Variants in BLMH observed in about 807,000 individuals in gnomAD.
The protein encoded by BLMH is bleomycin hydrolase.
In BLMH, 32 loss-of-function variants were observed where a neutral mutation model predicts 61.6. The observed-to-expected ratio is 0.52, with a 90% confidence interval of 0.39 to 0.70. The LOEUF (loss-of-function observed/expected upper bound fraction) is 0.70. Among genes scored for constraint, BLMH ranks in the 30% least tolerant of loss-of-function variants. The pLI is 0.00. For synonymous variants in BLMH, 183 were observed against 193.8 expected (o/e 0.94, Z 0.46); for missense variants, 460 against 555.5 (o/e 0.83, Z 1.73).
At chr17:30,273,653 T>C (rs1184725324) in intron 7 of BLMH, 4 of 215,432 alleles carry the variant, frequency 1.9e-5, no homozygotes, top group Non-Finnish European at 2.7e-5. Flanking sequence ...CAGGAAAAAC[T>C]AAGATTACTC....
intron 11 of BLMH, among the ~76,000 whole-genome samples, chr17:30,262,830 T>C (rs748241711): frequency 6.6e-6 from 1 of 152,036 alleles, no homozygotes; most frequent in Non-Finnish European, 1.5e-5. Flanking sequence ...AAAAAACAAC[T>C]AAATAACCTT....
intron 9 of BLMH, 46 bp downstream of exon 9, chr17:30,272,515 G>GC: frequency 6.2e-7 from 1 of 1,605,372 alleles, no homozygotes; most frequent in Middle Eastern, 1.7e-4. Flanking sequence ...CACTCCAACA[G>GC]CAACAACCCA....
At chr17:30,274,901 C>T (rs951497233) in intron 6 of BLMH, among the ~76,000 whole-genome samples, 8 of 152,002 alleles carry the variant, frequency 5.3e-5, no homozygotes, top group African/African-American at 1.9e-4. Flanking sequence ...ATCGCTTGAG[C>T]CCAGGAGGCA....
intron 6 of BLMH, among the ~76,000 whole-genome samples, chr17:30,280,881 C>A (rs868388224): frequency 1.6e-4 from 25 of 152,296 alleles, no homozygotes; most frequent in South Asian, 2.1e-4. Flanking sequence ...AAAGCAGTCA[C>A]AGAAAACAGC....
intron 10 of BLMH, among the ~76,000 whole-genome samples, chr17:30,270,996 G>A (rs553337041): frequency 6.6e-6 from 1 of 152,302 alleles, no homozygotes; most frequent in East Asian, 1.9e-4. Context: ...TTCCCTTGCT[G>A]ACTTCTCTTT....
At chr17:30,272,233 T>C (rs1171047722) in intron 9 of BLMH, 2 of 292,066 alleles carry the variant, frequency 6.8e-6, no homozygotes, top group African/African-American at 4.3e-5. Context: ...GGAAAATCTT[T>C]CATTACACTC....
intron 6 of BLMH, among the ~76,000 whole-genome samples, chr17:30,283,116 T>C (rs960101901): frequency 3.3e-5 from 5 of 152,180 alleles, no homozygotes; most frequent in African/African-American, 7.2e-5. Context: ...AAGCTATGAC[T>C]GCGCCTCTGC....
At position 30,266,760 on chromosome 17, in the gene BLMH, T is replaced by C. The variant is rs559922875; in HGVS notation, c.1216+125A>G. On this transcript the variant is annotated intron_variant, in intron 11 of 11. Transcript: ENST00000261714. Reference sequence around the variant, plus strand: ...CAAATCAGATCCTCAGATTTTTCTGTAGAATAATCTAGTCAGTGGAGCCAA... The same window carrying C: ...CAAATCAGATCCTCAGATTTTTCTGCAGAATAATCTAGTCAGTGGAGCCAA... 4.4e-5 allele frequency: 37 copies of C among 833,610 alleles called. No individual in the cohort carries two copies. In the African/African-American group the frequency reaches 5.8e-4, roughly 13 times the overall value. 51.6% of individuals were successfully genotyped at this position (833,610 alleles called of 1,614,324 possible).
At chr17:30,287,376 T>C (rs1018367956) in intron 4 of BLMH, among the ~76,000 whole-genome samples, 1 of 152,220 alleles carries the variant, frequency 6.6e-6, no homozygotes, top group African/African-American at 2.4e-5. Context: ...ATCCTTTTTA[T>C]CTACTATACT....
chr17:30,272,627 GC>G lies in BLMH; in HGVS notation c.961del (p.Ala321LeufsTer21), dbSNP rs1426168731. ...TCCAACATCACAGCCAAACCACACA[GC>G]CTAGAAACAGAAGAAAGAGGAAGAA... is the stretch of plus-strand genomic sequence containing the variant. The part of the protein sequence containing the change: ...MVAASIKDGE[A>X]VWFGCDVGKH... On this transcript the variant is annotated frameshift_variant and splice_region_variant, in exon 9 of 12. Coordinates refer to ENST00000261714, the MANE Select transcript of BLMH (RefSeq NM_000386.4). LOFTEE classifies it high-confidence loss of function. 1 of 1,613,960 alleles carries G rather than the reference GC, an allele frequency of 6.2e-7. No homozygotes were observed. The highest frequency in any genetic ancestry group is 8.5e-7 in the Non-Finnish European group (1 of 1,180,038).
intron 11 of BLMH, among the ~76,000 whole-genome samples, chr17:30,254,060 T>A (rs916319667): frequency 6.6e-6 from 1 of 152,170 alleles, no homozygotes; most frequent in East Asian, 1.9e-4. Context: ...AGAAAACTTT[T>A]TTTTCTGAAA....
chr17:30,282,332 T>C (rs1908615265), intron 6 of BLMH, among the ~76,000 whole-genome samples: 1 of 151,604 alleles, frequency 6.6e-6, no homozygotes, highest in Non-Finnish European at 1.5e-5. Flanking sequence ...TTCTTGTGTC[T>C]CAGCTGCCCA....
At position 30,287,991 on chromosome 17, in the gene BLMH, T is replaced by C. The variant is rs1355148879; in HGVS notation, c.322-44A>G. On this transcript the variant is annotated intron_variant, in intron 3 of 11. Coordinates refer to ENST00000261714, the MANE Select transcript of BLMH (RefSeq NM_000386.4). ...TAAATAACATTAAAAGAAAAAAGTG[T>C]CAATAATTTTATTGGCATTATCAAC... 5 of 1,547,828 alleles carry C rather than the reference T, an allele frequency of 3.2e-6. No homozygotes were observed. The Admixed American group carries it at 5.4e-5, about 17-fold the overall frequency.
rs762868305 is a variant in BLMH at position 30,291,344 on chromosome 17, C to T, written c.178G>A (p.Glu60Lys). The change falls in exon 2 of 12, where the codon GAG (glutamate) becomes AAG (lysine). Residue 60 changes from glutamate (E) to lysine (K), a missense_variant. Coordinates refer to ENST00000261714, the MANE Select transcript of BLMH (RefSeq NM_000386.4). ...QHVFQHAVPQ[E>K]GKPITNQKSS... ...TTCTGGTTGGTGATTGGCTTGCCCT[C>T]CTGGGGCACGGCGTGCTGGAACACA... 6.2e-7 allele frequency: 1 copy of T among 1,612,994 alleles called. No homozygotes were observed. Among genetic ancestry groups the T allele is most frequent in the Non-Finnish European group, 8.5e-7 (1 of 1,180,000 alleles).
At position 30,257,094 on chromosome 17, in the gene BLMH, A is replaced by G. The variant is rs74630647; in HGVS notation, c.1217-7926T>C. 2.7e-3 allele frequency among the ~76,000 whole-genome samples: 418 copies of G among 152,360 alleles called. 1 individual carries two copies. Among genetic ancestry groups the G allele is most frequent in the Non-Finnish European group, 4.6e-3 (311 of 68,034 alleles). ...CTGGGACTTCATCCTATAGATACAC[A>G]GTACTTACATGCATACAATATGAAT... On this transcript the variant is annotated intron_variant, in intron 11 of 11. Transcript: ENST00000261714.
At chr17:30,278,478 T>C (rs1455414660) in intron 6 of BLMH, among the ~76,000 whole-genome samples, 3 of 152,206 alleles carry the variant, frequency 2.0e-5, no homozygotes, top group Non-Finnish European at 4.4e-5. Context: ...TTCACATCTT[T>C]TTTCCTTTAC....
intron 3 of BLMH, chr17:30,288,256 T>C: frequency 3.8e-6 from 1 of 264,694 alleles, no homozygotes; most frequent in South Asian, 5.2e-5. Flanking sequence ...AGTTTCTTCT[T>C]TTACCTGTGT....
chr17:30,277,804 T>A (rs1183319811), intron 6 of BLMH, among the ~76,000 whole-genome samples: 2 of 152,254 alleles, frequency 1.3e-5, no homozygotes, highest in Non-Finnish European at 2.9e-5. Flanking sequence ...AATATGCATT[T>A]CTGCTATCTA....
intron 11 of BLMH, among the ~76,000 whole-genome samples, chr17:30,259,258 T>A (rs986222929): frequency 3.9e-5 from 6 of 152,228 alleles, no homozygotes; most frequent in African/African-American, 1.4e-4. Context: ...AACGAAGTAC[T>A]GACATGCTGC....
Sources: allele counts gnomAD v4.1 joint callset (sites outside exome capture counted in the v4.1 genomes callset), GRCh38; gene constraint gnomAD v4.1.1; transcripts MANE v1.5; gene names NCBI Gene and HGNC (gene_info 2026-07-23, HGNC 2026-07-21).